The following UBL3 variants were observed in gnomAD, a reference collection of about 807,000 sequenced individuals.
The protein encoded by UBL3 is ubiquitin-like protein 3.
Under a neutral mutation model 18.4 loss-of-function variants are expected in UBL3, and 6 were observed. The ratio of observed to expected loss-of-function variants is 0.33; its 90% CI spans 0.18 to 0.64. The LOEUF (loss-of-function observed/expected upper bound fraction) is 0.64, where lower values mean the gene tolerates loss of function less well. Among genes scored for constraint, UBL3 ranks in the 30% least tolerant of loss-of-function variants. The pLI, the probability that UBL3 is intolerant of heterozygous loss-of-function variation, is 0.76. For missense variants in UBL3, 109 were observed against 142.9 expected, an observed-to-expected ratio of 0.76 and a Z score of 1.21; for synonymous variants, 49 against 46.6, an observed-to-expected ratio of 1.05 and a Z score of -0.21.
rs1265009376 is a variant in UBL3 at position 29,814,347 on chromosome 13, C to T, written c.27+35165G>A. On this transcript the variant is annotated intron_variant, in intron 1 of 4. Transcript: ENST00000380680. Reference sequence around the variant, plus strand: ...TCAAGGAAAACAAATTTATATTCTACCAAACAGAAAATCTAGAACAAATTA... The same window carrying T: ...TCAAGGAAAACAAATTTATATTCTATCAAACAGAAAATCTAGAACAAATTA... Among the ~76,000 whole-genome samples, 4 of 151,988 alleles carry T rather than the reference C, an allele frequency of 2.6e-5. No individual in the cohort carries two copies. In the East Asian group the frequency reaches 7.7e-4, roughly 29 times the overall value.
chr13:29,833,593 C>T (rs1456081991), intron 1 of UBL3, among the ~76,000 whole-genome samples: 1 of 152,180 alleles, frequency 6.6e-6, no homozygotes, highest in Non-Finnish European at 1.5e-5. Context: ...GGCTTGCTCC[C>T]CACCTCCTTT....
intron 1 of UBL3, among the ~76,000 whole-genome samples, chr13:29,832,042 A>G (rs1878790827): frequency 6.6e-6 from 1 of 152,236 alleles, no homozygotes; most frequent in Non-Finnish European, 1.5e-5. Flanking sequence ...ACGACACAAT[A>G]AAGAACATTT....
chr13:29,815,807 C>A (rs1322089796), intron 1 of UBL3, among the ~76,000 whole-genome samples: 1 of 152,148 alleles, frequency 6.6e-6, no homozygotes, highest in Non-Finnish European at 1.5e-5. Flanking sequence ...AACTTACCTA[C>A]TGCAATGAAG....
chr13:29,808,848 T>C (rs1418442320), intron 1 of UBL3, among the ~76,000 whole-genome samples: 1 of 152,120 alleles, frequency 6.6e-6, no homozygotes, highest in East Asian at 1.9e-4. Context: ...GAAGTAGTAG[T>C]TGCATTCAAT....
rs952870682 is a variant in UBL3, at chr13:29,765,134, C to A, written c.*2121G>T. 3.3e-5 allele frequency: 5 copies of A among 151,604 alleles called. No individual in the cohort carries two copies. Among genetic ancestry groups the A allele is most frequent in the African/African-American group, 7.3e-5 (3 of 41,246 alleles). The allele number at this position is 151,604 out of a possible 1,614,324, so 9.4% of individuals were successfully genotyped here. On this transcript the variant is annotated 3_prime_UTR_variant, in exon 5 of 5. Transcript: ENST00000380680. ...ACACACAGAAAAATATATTGAAAAA[C>A]CAATAGAGAATTATTTTTAACCATC...
intron 1 of UBL3, among the ~76,000 whole-genome samples, chr13:29,835,135 T>A (rs867462716): frequency 0.032 from 208 of 6,534 alleles, 10 homozygotes; most frequent in South Asian, 0.06. Flanking sequence ...AATATATATA[T>A]ATATATATAT....
At chr13:29,767,445 T>C (rs1178907838) in intron 4 of UBL3, 138 bp from the exon 5 acceptor site, 3 of 1,236,570 alleles carry the variant, frequency 2.4e-6, no homozygotes, top group African/African-American at 1.5e-5. Context: ...GAAGCTGTAA[T>C]AAATGTTCTT....
At chr13:29,799,202 C>A (rs1285157998) in intron 1 of UBL3, among the ~76,000 whole-genome samples, 1 of 152,146 alleles carries the variant, frequency 6.6e-6, no homozygotes, top group Non-Finnish European at 1.5e-5. Flanking sequence ...ACCCTTGCCA[C>A]CTTCCCCTTC....
At chr13:29,806,100 C>T (rs1018031790) in intron 1 of UBL3, among the ~76,000 whole-genome samples, 8 of 152,180 alleles carry the variant, frequency 5.3e-5, no homozygotes, top group East Asian at 1.9e-4. Flanking sequence ...TAGCTTGAGC[C>T]CACGAGGCAG....
chr13:29,795,425 T>C (rs1260853177), intron 1 of UBL3, among the ~76,000 whole-genome samples: 1 of 151,980 alleles, frequency 6.6e-6, no homozygotes, highest in Non-Finnish European at 1.5e-5. Flanking sequence ...TGCTAATACA[T>C]ATAACTCTTA....
chr13:29,804,089 A>T (rs1166007240), intron 1 of UBL3, among the ~76,000 whole-genome samples: 2 of 151,994 alleles, frequency 1.3e-5, no homozygotes, highest in Non-Finnish European at 2.9e-5. Flanking sequence ...GCTAAATAAA[A>T]AAAAAAAAAC....
At chr13:29,786,058 G>C (rs7995666) in intron 1 of UBL3, among the ~76,000 whole-genome samples, 89,808 of 151,944 alleles carry the variant, frequency 0.59, 27,185 homozygotes, top group Non-Finnish European at 0.66. Context: ...GCCCATCTCT[G>C]AAAAAGGTAT....
At chr13:29,789,277 G>A (rs939259817) in intron 1 of UBL3, among the ~76,000 whole-genome samples, 2 of 152,168 alleles carry the variant, frequency 1.3e-5, no homozygotes, top group African/African-American at 4.8e-5. Flanking sequence ...GGTGATGGTA[G>A]CAAAACTTCA....
chr13:29,816,532 G>A (rs1403002572), intron 1 of UBL3, among the ~76,000 whole-genome samples: 3 of 151,964 alleles, frequency 2.0e-5, no homozygotes, highest in Non-Finnish European at 4.4e-5. Context: ...GACAAGGTAG[G>A]AGGATTGAAT....
At chr13:29,806,567 A>G (rs1244942495) in intron 1 of UBL3, among the ~76,000 whole-genome samples, 1 of 152,108 alleles carries the variant, frequency 6.6e-6, no homozygotes, top group Non-Finnish European at 1.5e-5. Flanking sequence ...GGGGGCAGGG[A>G]GTATGGTGGG....
chr13:29,798,199 T>G (rs1461538131), intron 1 of UBL3, among the ~76,000 whole-genome samples: 1 of 152,090 alleles, frequency 6.6e-6, no homozygotes, highest in Non-Finnish European at 1.5e-5. Context: ...TAATTTTTTG[T>G]ATTTTTAGTA....
At chr13:29,830,294 A>G (rs960585825) in intron 1 of UBL3, among the ~76,000 whole-genome samples, 1 of 152,242 alleles carries the variant, frequency 6.6e-6, no homozygotes, top group Admixed American at 6.5e-5. Context: ...AAGCAAAAAT[A>G]TAATAACAGG....
rs973719005 is a variant in UBL3 at position 29,848,828 on chromosome 13, G to A, written c.27+684C>T. On this transcript the variant is annotated intron_variant, in intron 1 of 4. Coordinates refer to ENST00000380680, the MANE Select transcript of UBL3 (RefSeq NM_007106.4). ...TTCAAGTTCTCAACACTCAGTGATC[G>A]AGGCTCAATACTATGTTTCCTTAGC... is the stretch of plus-strand genomic sequence containing the variant. Among the ~76,000 whole-genome samples, 4 of 152,288 alleles carry A rather than the reference G, an allele frequency of 2.6e-5. No homozygotes were observed. The East Asian group carries it at 7.7e-4, about 29-fold the overall frequency.
Position 29,765,120 on chromosome 13 carries a change from A to AAT in UBL3, c.*2133_*2134dup, listed in dbSNP as rs1203079878. ...TATATAATCTGAGAACACACAGAAA[A>AAT]ATATATTGAAAAACCAATAGAGAAT... On this transcript the variant is annotated 3_prime_UTR_variant, in exon 5 of 5. Transcript: ENST00000380680. 1.3e-5 allele frequency: 2 copies of AAT among 152,178 alleles called. No homozygotes were observed. The highest frequency in any genetic ancestry group is 2.9e-5 in the Non-Finnish European group (2 of 68,016). 9.4% of individuals were successfully genotyped at this position (152,178 alleles called of 1,614,324 possible). A position where few individuals can be genotyped will look rare whatever the true frequency, so the allele number is the denominator to read the frequency against.
Sources: gnomAD v4.1 joint callset for allele counts (sites outside exome capture counted in the v4.1 genomes callset) on GRCh38, gnomAD v4.1.1 for gene constraint, MANE v1.5 for transcripts, NCBI Gene and HGNC (gene_info 2026-07-23, HGNC 2026-07-21) for gene names.